Variants in MYO1E observed in about 807,000 individuals in gnomAD.
MYO1E encodes myosin IE, also known as unconventional myosin-Ie.
MYO1E carries 68 observed loss-of-function variants against 151.1 expected under a neutral mutation model. The ratio of observed to expected loss-of-function variants is 0.45; its 90% CI spans 0.37 to 0.55. The LOEUF (loss-of-function observed/expected upper bound fraction) is 0.55, where lower values mean the gene tolerates loss of function less well. MYO1E is among the 20% of genes least tolerant of loss of function. The pLI is 0.00. For synonymous variants in MYO1E, 601 were observed against 501.7 expected (o/e 1.20, Z -2.64); for missense variants, 1,363 against 1,389.3 (o/e 0.98, Z 0.30).
intron 22 of MYO1E, among the ~76,000 whole-genome samples, chr15:59,169,216 C>T (rs2079578274): frequency 6.6e-6 from 1 of 152,220 alleles, no homozygotes; most frequent in Admixed American, 6.5e-5. Flanking sequence ...ATGTTGATAT[C>T]ATTCCAGCCA....
intron 20 of MYO1E, 56 bp from the exon 21 acceptor site, chr15:59,173,971 G>C: frequency 6.3e-7 from 1 of 1,578,824 alleles, no homozygotes; most frequent in Non-Finnish European, 8.7e-7. Flanking sequence ...AGAAAAGGGA[G>C]GAAAATACTG....
At chr15:59,220,409 AC>A (rs755796684) in intron 9 of MYO1E, among the ~76,000 whole-genome samples, 2 of 152,260 alleles carry the variant, frequency 1.3e-5, no homozygotes, top group Non-Finnish European at 2.9e-5. Context: ...AGATAGCGCC[AC>A]TGCGCTCCAG....
chr15:59,262,329 T>C (rs1352448578), intron 2 of MYO1E, among the ~76,000 whole-genome samples: 1 of 152,116 alleles, frequency 6.6e-6, no homozygotes, highest in Non-Finnish European at 1.5e-5. Context: ...GAGGTAATTT[T>C]CTGGCCAGGT....
intron 2 of MYO1E, among the ~76,000 whole-genome samples, chr15:59,268,660 C>G (rs1244214606): frequency 7.4e-6 from 1 of 136,018 alleles, no homozygotes; most frequent in African/African-American, 2.7e-5. Context: ...AAACTGAAAG[C>G]TCTACACCAA....
rs79299424 is a variant in MYO1E, at chr15:59,303,053, A to G, written c.4-30604T>C. ...CCTACATATTAACTGGTTCCCACAC[A>G]GAAGAAAATGTAATGCCTGGCTGGT... On this transcript the variant is annotated intron_variant, in intron 1 of 27. Transcript: ENST00000288235. Among the ~76,000 whole-genome samples, 842 of 152,346 alleles carry G rather than the reference A, an allele frequency of 5.5e-3. 5 individuals are homozygous for G. Among genetic ancestry groups the G allele is most frequent in the Non-Finnish European group, 8.6e-3 (586 of 68,032 alleles).
chr15:59,171,772 T>G, intron 22 of MYO1E, 125 bp downstream of exon 22: 2 of 1,245,962 alleles, frequency 1.6e-6, no homozygotes, highest in Non-Finnish European at 2.3e-6. Flanking sequence ...GGAAATTCCA[T>G]TCTCTTGATC....
chr15:59,234,729 G>C (rs2080051631), intron 5 of MYO1E, among the ~76,000 whole-genome samples: 1 of 149,302 alleles, frequency 6.7e-6, no homozygotes, highest in Admixed American at 6.7e-5. Context: ...GGTTGAGGTG[G>C]AAGGGAATGC....
At chr15:59,225,113 G>C (rs927812027) in intron 7 of MYO1E, among the ~76,000 whole-genome samples, 2 of 152,198 alleles carry the variant, frequency 1.3e-5, no homozygotes, top group Non-Finnish European at 2.9e-5. Flanking sequence ...TAATTACTTA[G>C]TTCCTGCCCA....
rs144705442 is a variant in MYO1E at position 59,133,483 on chromosome 15, AGAAAGGGTGCTCAGAGTG to A, written c.*3879_*3896del. On this transcript the variant is annotated 3_prime_UTR_variant, in exon 28 of 28. Transcript: ENST00000288235. ...ACCATACTGAGCCAGTCTTCTTGTT[AGAAAGGGTGCTCAGAGTG>A]GAAAGGTATGATCTAGTAGGGAAAA... is the stretch of plus-strand genomic sequence containing the variant. The A allele has an allele frequency of 0.29, 44,095 of 151,734 alleles. 6,514 individuals are homozygous for A. Among genetic ancestry groups the A allele is most frequent in the East Asian group, 0.43 (2,237 of 5,164 alleles). 9.4% of individuals were successfully genotyped at this position (151,734 alleles called of 1,614,324 possible). A position where few individuals can be genotyped will look rare whatever the true frequency, so the allele number is the denominator to read the frequency against.
chr15:59,314,184 A>C (rs1464688736), intron 1 of MYO1E, among the ~76,000 whole-genome samples: 1 of 152,166 alleles, frequency 6.6e-6, no homozygotes, highest in African/African-American at 2.4e-5. Context: ...CTACCTCGCT[A>C]TGTGCACTTA....
Position 59,136,719 on chromosome 15 carries a change from A to C in MYO1E, c.*661T>G, listed in dbSNP as rs775267300. On this transcript the variant is annotated 3_prime_UTR_variant, in exon 28 of 28. Transcript: ENST00000288235. The stretch of plus-strand genomic sequence containing the variant: ...AACCAATATGGGCCAGCCACATTCT[A>C]ATTGAAGACCCAGAGAAAGCAAAGC... 5 of 456,392 alleles carry C rather than the reference A, an allele frequency of 1.1e-5. No individual in the cohort carries two copies. The highest frequency in any genetic ancestry group is 1.8e-5 in the Non-Finnish European group (4 of 226,838). 28.3% of individuals were successfully genotyped at this position (456,392 alleles called of 1,614,324 possible).
intron 1 of MYO1E, among the ~76,000 whole-genome samples, chr15:59,298,776 T>A (rs2080465953): frequency 1.3e-5 from 2 of 152,192 alleles, no homozygotes; most frequent in Non-Finnish European, 2.9e-5. Flanking sequence ...ATCATTCAGT[T>A]CAAAGAGGTT....
intron 1 of MYO1E, among the ~76,000 whole-genome samples, chr15:59,285,786 T>C (rs375133370): frequency 6.6e-6 from 1 of 152,022 alleles, no homozygotes. Context: ...ACCAAATTAG[T>C]GTGTGCATGT....
intron 10 of MYO1E, among the ~76,000 whole-genome samples, chr15:59,217,182 CTG>C (rs2079924015): frequency 6.6e-6 from 1 of 152,150 alleles, no homozygotes; most frequent in African/African-American, 2.4e-5. Context: ...CCCTCAGAAA[CTG>C]AGAAAATAAG....
intron 17 of MYO1E, among the ~76,000 whole-genome samples, chr15:59,193,162 T>C (rs1045469802): frequency 2.0e-5 from 3 of 151,186 alleles, no homozygotes; most frequent in Non-Finnish European, 1.5e-5. Context: ...TGCACATTCA[T>C]GGGCCCCACC....
chr15:59,194,068 G>A (rs1235177539), intron 17 of MYO1E, among the ~76,000 whole-genome samples: 1 of 152,090 alleles, frequency 6.6e-6, no homozygotes, highest in Admixed American at 6.5e-5. Flanking sequence ...CAACTACTCA[G>A]GAGGCTGAGG....
Position 59,178,381 on chromosome 15 carries a change from C to T in MYO1E, c.2049+12G>A, listed in dbSNP as rs773927565. On this transcript the variant is annotated intron_variant, in intron 19 of 27. Transcript: ENST00000288235. ...GGGAGGGAAGAGAGTGGAGAGCCAGCCAAGCACTCACAGACTCGGGGGCTT... is the reference window on the plus strand; with the variant it reads ...GGGAGGGAAGAGAGTGGAGAGCCAGTCAAGCACTCACAGACTCGGGGGCTT... 6.2e-7 allele frequency: 1 copy of T among 1,614,040 alleles called. No individual in the cohort carries two copies. The highest frequency in any genetic ancestry group is 8.5e-7 in the Non-Finnish European group (1 of 1,179,924).
chr15:59,276,241 G>A (rs947655132), intron 1 of MYO1E, among the ~76,000 whole-genome samples: 1 of 152,158 alleles, frequency 6.6e-6, no homozygotes, highest in Non-Finnish European at 1.5e-5. Flanking sequence ...TCTCTTCAGA[G>A]GGCAAAGGCA....
At chr15:59,337,874 A>T (rs1408818378) in intron 1 of MYO1E, among the ~76,000 whole-genome samples, 1 of 152,222 alleles carries the variant, frequency 6.6e-6, no homozygotes, top group Non-Finnish European at 1.5e-5. Flanking sequence ...CTTATAGGAC[A>T]AAGTAAAATC....
Sources: allele counts gnomAD v4.1 joint callset (sites outside exome capture counted in the v4.1 genomes callset), GRCh38; gene constraint gnomAD v4.1.1; transcripts MANE v1.5; gene names NCBI Gene and HGNC (gene_info 2026-07-23, HGNC 2026-07-21).